Variants in CMYA5 observed in about 807,000 individuals in gnomAD.
CMYA5 encodes cardiomyopathy-associated protein 5.
A neutral mutation model predicts 318.9 loss-of-function variants in CMYA5; 246 were observed. That is an observed-to-expected ratio of 0.77 (90% CI 0.70 to 0.86). The LOEUF (loss-of-function observed/expected upper bound fraction) is 0.86, where lower values mean the gene tolerates loss of function less well. Ranked by LOEUF, CMYA5 falls within the 40% of genes least tolerant of loss-of-function variation. CMYA5 has a pLI of 0.00. For synonymous variants in CMYA5, 1,641 were observed against 1,729.5 expected (o/e 0.95, Z 1.27); for missense variants, 4,589 against 4,678.2 (o/e 0.98, Z 0.56).
chr5:79,763,047 ACT>A lies in CMYA5; in HGVS notation c.11408-10_11408-9del, dbSNP rs1314933889. 1.9e-6 allele frequency: 3 copies of A among 1,606,924 alleles called. No individual in the cohort carries two copies. The highest frequency in any genetic ancestry group is 1.1e-5 in the South Asian group (1 of 90,596). ...CTGGCATTGCTCCACGACTGTCCTG[ACT>A]CTCTTTCTGCAGCACCCTCCACCCC... On this transcript the variant is annotated splice_polypyrimidine_tract_variant and intron_variant, in intron 8 of 12. Coordinates refer to ENST00000446378, the MANE Select transcript of CMYA5 (RefSeq NM_153610.5).
chr5:79,765,936 C>G (rs891159608), intron 9 of CMYA5, among the ~76,000 whole-genome samples: 5 of 152,188 alleles, frequency 3.3e-5, no homozygotes, highest in Admixed American at 6.5e-5. Context: ...CATCTGCAAA[C>G]ACAGCCAATT....
rs1220711173 is a variant in CMYA5 at position 79,729,479 on chromosome 5, A to G, written c.714A>G (p.Glu238=). The G allele has an allele frequency of 6.2e-7, 1 of 1,610,684 alleles. No individual in the cohort carries two copies. The highest frequency in any genetic ancestry group is 1.1e-5 in the South Asian group (1 of 90,676). ...AGATGTTTAATTCGGTTAAAGAAGA[A>G]TTAATTCCTCTACAATTTTATGGAA... is the stretch of plus-strand genomic sequence containing the variant. ...KIKMFNSVKE[E]LIPLQFYGTL... Residue 238 remains glutamate (E), a synonymous_variant, in exon 2 of 13, where the codon GAA becomes GAG. Coordinates refer to ENST00000446378, the MANE Select transcript of CMYA5 (RefSeq NM_153610.5).
In CMYA5 at chr5:79,743,829, T is replaced by A. The variant is rs776674285; in HGVS notation, c.10641T>A (p.Val3547=). The A allele has an allele frequency of 8.6e-6, 13 of 1,512,284 alleles. No homozygotes were observed. Among genetic ancestry groups the A allele is most frequent in the Non-Finnish European group, 1.1e-5 (12 of 1,114,358 alleles). The allele number at this position is 1,512,284 out of a possible 1,614,324, so 93.7% of individuals were successfully genotyped here. A position where few individuals can be genotyped will look rare whatever the true frequency, so the allele number is the denominator to read the frequency against. ...TLDTAISAVK[V]QLAEFLENLQ... ...GATATCTTAATTCTTTTCTTCAGGT[T>A]CAATTAGCAGAATTTCTAGAAAATT... Residue 3547 remains valine (V), a splice_region_variant and synonymous_variant, in exon 3 of 13, where the codon GTT becomes GTA. Transcript: ENST00000446378.
At position 79,729,927 on chromosome 5, in the gene CMYA5, A is replaced by G; in HGVS notation, c.1162A>G (p.Thr388Ala). The G allele has an allele frequency of 6.2e-7, 1 of 1,613,808 alleles. No individual in the cohort carries two copies. The highest frequency in any genetic ancestry group is 1.7e-5 in the Admixed American group (1 of 59,984). ...ATCTGTGACACCCGACACACCTGCA[A>G]CTATGTTCCTGAGAACAACAAAGGA... ...PPSVTPDTPA[T>A]MFLRTTKEEC... is the part of the protein sequence containing the mutation. Residue 388 changes from threonine (T) to alanine (A), a missense_variant, in exon 2 of 13, where the codon ACT becomes GCT. This residue lies in a region of CMYA5 where 2,132 missense variants were observed against 2,131.3 expected (regional missense o/e 1.00). Coordinates refer to ENST00000446378, the MANE Select transcript of CMYA5 (RefSeq NM_153610.5).
chr5:79,742,683 TACTC>T (rs769772851), intron 2 of CMYA5, among the ~76,000 whole-genome samples: 1 of 152,106 alleles, frequency 6.6e-6, no homozygotes, highest in Non-Finnish European at 1.5e-5. Context: ...TTTCTTCATT[TACTC>T]ACTCCCTTCC....
intron 9 of CMYA5, among the ~76,000 whole-genome samples, chr5:79,785,158 C>G (rs1215254976): frequency 6.6e-6 from 1 of 151,818 alleles, no homozygotes; most frequent in Non-Finnish European, 1.5e-5. Context: ...TATAATCTGT[C>G]TATTGATCCA....
chr5:79,737,859 T>A lies in CMYA5; in HGVS notation c.9094T>A (p.Ser3032Thr), dbSNP rs1379444360. The change falls in exon 2 of 13, where the codon TCC (serine) becomes ACC (threonine). Residue 3032 changes from serine (S) to threonine (T), a missense_variant. By Grantham distance (58) the Ser-to-Thr change is moderately conservative. Coordinates refer to ENST00000446378, the MANE Select transcript of CMYA5 (RefSeq NM_153610.5). ...KETHKTKEEISTDSETDLSFI... is the reference protein window; with the variant it reads ...KETHKTKEEITTDSETDLSFI... The stretch of plus-strand genomic sequence containing the variant: ...AACTCATAAGACAAAAGAAGAGATA[T>A]CCACAGATTCAGAAACTGATTTATC... 3.1e-6 allele frequency: 5 copies of A among 1,598,610 alleles called. No individual in the cohort carries two copies. The highest frequency in any genetic ancestry group is 8.5e-7 in the Non-Finnish European group (1 of 1,176,190).
chr5:79,775,816 A>G (rs766237377), intron 9 of CMYA5, among the ~76,000 whole-genome samples: 5 of 152,196 alleles, frequency 3.3e-5, no homozygotes, highest in Non-Finnish European at 7.3e-5. Flanking sequence ...CAGTTTTATG[A>G]GGATCTCAAG....
At chr5:79,771,690 C>T (rs1828859264) in intron 9 of CMYA5, among the ~76,000 whole-genome samples, 1 of 152,154 alleles carries the variant, frequency 6.6e-6, no homozygotes, top group African/African-American at 2.4e-5. Context: ...AGTGAACCTT[C>T]TCAGCAATCC....
In CMYA5 at chr5:79,733,898, A is replaced by G. The variant is rs898730344; in HGVS notation, c.5133A>G (p.Glu1711=). 3 of 1,613,268 alleles carry G rather than the reference A, an allele frequency of 1.9e-6. No homozygotes were observed. Among genetic ancestry groups the G allele is most frequent in the Non-Finnish European group, 2.5e-6 (3 of 1,179,772 alleles). The change falls in exon 2 of 13, where the codon GAA becomes GAG. Residue 1711 remains glutamate (E), a synonymous_variant. Transcript: ENST00000446378. ...SSLLREESQN[E]EIKPFSPKII... ...TGCTTAGGGAGGAATCTCAGAATGA[A>G]GAAATTAAACCTTTCTCTCCCAAGA...
At chr5:79,706,721 C>G (rs959621235) in intron 1 of CMYA5, among the ~76,000 whole-genome samples, 1 of 151,768 alleles carries the variant, frequency 6.6e-6, no homozygotes, top group Non-Finnish European at 1.5e-5. Flanking sequence ...CATAGGCTCT[C>G]TGTGGGGGGA....
At position 79,735,819 on chromosome 5, in the gene CMYA5, G is replaced by C. The variant is rs187392728; in HGVS notation, c.7054G>C (p.Ala2352Pro). ...TAAAAGAGTCCAGAAGCCAGCAATC[G>C]CTCCTCCATCTAAATGGAATATTTC... ...DSKRVQKPAI[A>P]PPSKWNISIF... The change falls in exon 2 of 13, where the codon GCT (alanine) becomes CCT (proline). Residue 2352 changes from alanine (A) to proline (P), a missense_variant. Ala to Pro is a conservative substitution (Grantham distance 27). Transcript: ENST00000446378. 1 of 1,549,676 alleles carries C rather than the reference G, an allele frequency of 6.5e-7. No individual in the cohort carries two copies. The highest frequency in any genetic ancestry group is 8.6e-7 in the Non-Finnish European group (1 of 1,156,592).
intron 4 of CMYA5, 124 bp downstream of exon 4, chr5:79,745,579 G>A (rs1278273912): frequency 1.4e-6 from 1 of 718,756 alleles, no homozygotes; most frequent in Non-Finnish European, 2.3e-6. Flanking sequence ...ATATAATTCT[G>A]GCATTTAAAC....
chr5:79,746,911 C>G (rs1280406911), intron 4 of CMYA5, among the ~76,000 whole-genome samples, 180 bp from the exon 5 acceptor site: 1 of 152,100 alleles, frequency 6.6e-6, no homozygotes, highest in Non-Finnish European at 1.5e-5. Context: ...CACTTATGTC[C>G]TTGCTGCCCA....
At chr5:79,703,562 T>C (rs948734185) in intron 1 of CMYA5, among the ~76,000 whole-genome samples, 8 of 152,334 alleles carry the variant, frequency 5.3e-5, no homozygotes, top group Admixed American at 3.3e-4. Context: ...TAATCCTCCT[T>C]TGGAGAATTG....
rs538937185 is a variant in CMYA5, at chr5:79,737,839, A to T, written c.9074A>T (p.His3025Leu). The change falls in exon 2 of 13, where the codon CAT becomes CTT. Residue 3025 changes from histidine (H) to leucine (L), a missense_variant. This residue lies in a region of CMYA5 where 2,431 missense variants were observed against 2,495.1 expected (regional missense o/e 0.97). Transcript: ENST00000446378. ...PLKENKQKET[H>L]KTKEEISTDS... ...AAAGAAAATAAACAAAAGGAAACTC[A>T]TAAGACAAAAGAAGAGATATCCACA... The T allele has an allele frequency of 4.4e-6, 7 of 1,603,438 alleles. No individual in the cohort carries two copies. In the Admixed American group the frequency reaches 7.0e-5, roughly 16 times the overall value.
At chr5:79,789,201 C>G in intron 10 of CMYA5, 97 bp downstream of exon 10, 1 of 1,364,094 alleles carries the variant, frequency 7.3e-7, no homozygotes, top group Non-Finnish European at 1.0e-6. Context: ...TATAAACTCC[C>G]AACCTACTGT....
Position 79,752,752 on chromosome 5 carries a change from G to A in CMYA5, c.11068G>A (p.Asp3690Asn). Residue 3690 changes from aspartate (D) to asparagine (N), a missense_variant, in exon 6 of 13, where the codon GAC becomes AAC. By Grantham distance (23) the Asp-to-Asn change is conservative. Around this residue, in one of 3 missense-constraint regions of CMYA5, gnomAD observed 2,431 missense variants for 2,495.1 expected, o/e 0.97. Transcript: ENST00000446378. ...AAFSLFEHYD[D>N]SSARSDQMLK... The stretch of plus-strand genomic sequence containing the variant: ...GTTTTCCCTTTTCGAACATTATGAT[G>A]ACAGCTCGGCAAGAAGTGACCAGAT... The A allele has an allele frequency of 1.2e-6, 2 of 1,613,670 alleles. No individual in the cohort carries two copies. The highest frequency in any genetic ancestry group is 1.7e-6 in the Non-Finnish European group (2 of 1,179,676).
chr5:79,744,381 G>C (rs1363915689), intron 3 of CMYA5, among the ~76,000 whole-genome samples: 1 of 152,132 alleles, frequency 6.6e-6, no homozygotes, highest in Non-Finnish European at 1.5e-5. Flanking sequence ...CTCATAGCAC[G>C]ACTATCTCTG....
Sources: allele counts gnomAD v4.1 joint callset (sites outside exome capture counted in the v4.1 genomes callset), GRCh38; gene constraint gnomAD v4.1.1; regional missense constraint gnomAD v4.1.1; transcripts MANE v1.5; gene names NCBI Gene and HGNC (gene_info 2026-07-23, HGNC 2026-07-21).